RYR3: variants seen among roughly 807,000 people sequenced by gnomAD.
RYR3 encodes brain ryanodine receptor-calcium release channel.
In RYR3, 207 loss-of-function variants were observed where a neutral mutation model predicts 584.3. The ratio of observed to expected loss-of-function variants is 0.35; its 90% CI spans 0.32 to 0.40. The LOEUF (loss-of-function observed/expected upper bound fraction) is 0.40. RYR3 is among the 10% of genes least tolerant of loss of function. The pLI is 1.00. For missense variants in RYR3, 5,616 were observed against 6,089.2 expected (o/e 0.92, Z 2.59); for synonymous variants, 2,416 against 2,248.5 (o/e 1.07, Z -2.11).
At chr15:33,343,912 G>T (rs1371623033) in intron 1 of RYR3, among the ~76,000 whole-genome samples, 1 of 152,106 alleles carries the variant, frequency 6.6e-6, no homozygotes, top group East Asian at 1.9e-4. Flanking sequence ...ATGTCTTCTG[G>T]CTTTGGAGTA....
At position 33,789,658 on chromosome 15, in the gene RYR3, A is replaced by AT. The variant is rs869151934; in HGVS notation, c.9830+1234dup. Among the ~76,000 whole-genome samples the AT allele has an allele frequency of 6.3e-4, 8 of 12,782 alleles. 1 individual carries two copies. The highest frequency in any genetic ancestry group is 3.9e-4 in the Non-Finnish European group (3 of 7,768). 8.4% of individuals were successfully genotyped at this position (12,782 alleles called of 152,430 possible). A position where few individuals can be genotyped will look rare whatever the true frequency, so the allele number is the denominator to read the frequency against. ...TATATATATATATATATATATATATATTTTTTTTTTTTTTTTTTTTTTTTT... is the reference window on the plus strand; with the variant it reads ...TATATATATATATATATATATATATATTTTTTTTTTTTTTTTTTTTTTTTTT... On this transcript the variant is annotated intron_variant, in intron 67 of 103. Transcript: ENST00000634891.
chr15:33,356,289 C>T (rs1567085445), intron 1 of RYR3, among the ~76,000 whole-genome samples: 1 of 152,168 alleles, frequency 6.6e-6, no homozygotes, highest in Non-Finnish European at 1.5e-5. Context: ...TACCTCACAG[C>T]ATTGTCACAA....
At chr15:33,592,725 C>A (rs2059191988) in intron 16 of RYR3, among the ~76,000 whole-genome samples, 1 of 152,348 alleles carries the variant, frequency 6.6e-6, no homozygotes, top group Middle Eastern at 3.4e-3. Context: ...GTTGCAATGT[C>A]TGCATGCCCC....
chr15:33,637,735 T>C (rs989269864), intron 27 of RYR3, among the ~76,000 whole-genome samples: 1 of 152,268 alleles, frequency 6.6e-6, no homozygotes, highest in African/African-American at 2.4e-5. Flanking sequence ...TAAATGACTT[T>C]TGCACTTTTT....
chr15:33,465,888 CCTTT>C (rs1163798423), intron 1 of RYR3: 1 of 470,792 alleles, frequency 2.1e-6, no homozygotes, highest in Non-Finnish European at 4.3e-6. Flanking sequence ...TTCCTCCCTT[CCTTT>C]CTTCATCTCT....
chr15:33,854,910 C>G lies in RYR3; in HGVS notation c.14005C>G (p.Gln4669Glu). 6.2e-7 allele frequency: 1 copy of G among 1,609,226 alleles called. No homozygotes were observed. Among genetic ancestry groups the G allele is most frequent in the Non-Finnish European group, 8.5e-7 (1 of 1,178,052 alleles). ...ILSSVTHNGKQLVLTVGLLAV... is the reference protein window; with the variant it reads ...ILSSVTHNGKELVLTVGLLAV... ...GTCATCTGTAACTCACAATGGCAAA[C>G]AGGTATGGTTTCTACTGATGCAGAA... The change falls in exon 98 of 104, where the codon CAG (glutamine) becomes GAG (glutamate). Residue 4669 changes from glutamine to glutamate, a missense_variant and splice_region_variant. By Grantham distance (29) the Gln-to-Glu change is conservative (BLOSUM62 2). Around this residue, in one of 9 missense-constraint regions of RYR3, gnomAD observed 918 missense variants for 887.4 expected, o/e 1.03. Transcript: ENST00000634891.
rs368263534 is a variant in RYR3, at chr15:33,349,722, C to T, written c.51+38626C>T. ...ACTCGTCATCTAGCATTAGGTATAT[C>T]TCCCAATGCTATCCCTCCCCCCTCC... is the stretch of plus-strand genomic sequence containing the variant. On this transcript the variant is annotated intron_variant, in intron 1 of 103. Transcript: ENST00000634891. 5.9e-4 allele frequency among the ~76,000 whole-genome samples: 87 copies of T among 146,414 alleles called. 1 individual carries two copies. The East Asian group carries it at 0.015, about 25-fold the overall frequency.
chr15:33,857,203 C>T (rs549356412), intron 98 of RYR3, among the ~76,000 whole-genome samples: 5 of 150,882 alleles, frequency 3.3e-5, no homozygotes, highest in South Asian at 2.1e-4. Context: ...AATGTCTTTT[C>T]GACAGTTCTG....
chr15:33,695,231 T>A (rs1048847108), intron 38 of RYR3, among the ~76,000 whole-genome samples: 26 of 152,172 alleles, frequency 1.7e-4, no homozygotes, highest in African/African-American at 6.3e-4. Context: ...ACCTCTGTCA[T>A]CTTCTGGAAG....
At chr15:33,798,067 GC>G (rs1178410241) in intron 67 of RYR3, among the ~76,000 whole-genome samples, 1 of 136,862 alleles carries the variant, frequency 7.3e-6, no homozygotes, top group Non-Finnish European at 1.5e-5. Flanking sequence ...AAAGCCTCAT[GC>G]CTTTGTCTGT....
At chr15:33,651,464 A>G (rs1198917329) in intron 31 of RYR3, among the ~76,000 whole-genome samples, 1 of 152,250 alleles carries the variant, frequency 6.6e-6, no homozygotes, top group Non-Finnish European at 1.5e-5. Flanking sequence ...GAGCAGACCC[A>G]TCATTGTCCC....
chr15:33,687,972 C>T (rs1315200067), intron 38 of RYR3, among the ~76,000 whole-genome samples: 1 of 152,118 alleles, frequency 6.6e-6, no homozygotes, highest in African/African-American at 2.4e-5. Flanking sequence ...AGAAGAAAAC[C>T]TAGGCAATAC....
At chr15:33,851,085 A>G (rs2079076529) in intron 94 of RYR3, 2 of 152,096 alleles carry the variant, frequency 1.3e-5, no homozygotes, top group African/African-American at 4.8e-5. Context: ...TAGTTTGTTC[A>G]TTTTCAAAGC....
intron 36 of RYR3, among the ~76,000 whole-genome samples, chr15:33,666,995 TC>T (rs1267251001): frequency 1.3e-5 from 2 of 152,204 alleles, no homozygotes; most frequent in African/African-American, 4.8e-5. Flanking sequence ...CGACAACAAA[TC>T]AGCATATGTT....
At chr15:33,591,834 C>T (rs963460919) in intron 16 of RYR3, among the ~76,000 whole-genome samples, 6 of 152,176 alleles carry the variant, frequency 3.9e-5, no homozygotes, top group African/African-American at 1.4e-4. Flanking sequence ...GGCTGAATAG[C>T]AGCCATTTCT....
intron 1 of RYR3, among the ~76,000 whole-genome samples, chr15:33,385,249 A>C (rs1567138393): frequency 6.6e-6 from 1 of 152,200 alleles, no homozygotes; most frequent in Admixed American, 6.5e-5. Flanking sequence ...TCTTGGCAGA[A>C]TTGAATTAGA....
intron 10 of RYR3, among the ~76,000 whole-genome samples, chr15:33,560,982 G>A (rs1487832783): frequency 3.3e-5 from 5 of 151,922 alleles, no homozygotes; most frequent in Non-Finnish European, 7.4e-5. Flanking sequence ...GAAATTTCTT[G>A]TAAAGTACTA....
At chr15:33,720,132 T>C (rs1379019720) in intron 43 of RYR3, among the ~76,000 whole-genome samples, 7 of 152,210 alleles carry the variant, frequency 4.6e-5, no homozygotes, top group Admixed American at 1.3e-4. Flanking sequence ...TTTTTCTGGA[T>C]TGAGCTACGC....
At chr15:33,757,220 C>T (rs2071930135) in intron 59 of RYR3, among the ~76,000 whole-genome samples, 1 of 152,146 alleles carries the variant, frequency 6.6e-6, no homozygotes, top group Admixed American at 6.5e-5. Context: ...TCGTAGGACT[C>T]CTCTGCAAAT....
Sources: gnomAD v4.1 joint callset for allele counts (sites outside exome capture counted in the v4.1 genomes callset) on GRCh38, gnomAD v4.1.1 for gene constraint, gnomAD v4.1.1 regional missense constraint, MANE v1.5 for transcripts, NCBI Gene and HGNC (gene_info 2026-07-23, HGNC 2026-07-21) for gene names.